The following CPLANE1 variants were observed in gnomAD, a reference collection of about 807,000 sequenced individuals.
The protein encoded by CPLANE1 is ciliogenesis and planar polarity effector 1.
A neutral mutation model predicts 362.5 loss-of-function variants in CPLANE1; 263 were observed. That is an observed-to-expected ratio of 0.73 (90% CI 0.66 to 0.80). The LOEUF is 0.80. CPLANE1 is among the 30% of genes least tolerant of loss of function. The pLI, the probability that CPLANE1 is intolerant of heterozygous loss-of-function variation, is 0.00. For synonymous variants in CPLANE1, 1,212 were observed against 1,302.6 expected (o/e 0.93, Z 1.50); for missense variants, 3,461 against 3,793.4 (o/e 0.91, Z 2.30).
intron 21 of CPLANE1, among the ~76,000 whole-genome samples, chr5:37,190,458 G>A (rs1286253493): frequency 6.6e-6 from 1 of 151,274 alleles, no homozygotes; most frequent in African/African-American, 2.4e-5. Context: ...CACACCTGTA[G>A]TCCCAGCTAC....
chr5:37,132,209 C>T (rs1175820053), intron 46 of CPLANE1, among the ~76,000 whole-genome samples: 1 of 151,734 alleles, frequency 6.6e-6, no homozygotes, highest in Non-Finnish European at 1.5e-5. Context: ...AATATTGTTA[C>T]CAGAAAATAA....
intron 38 of CPLANE1, 63 bp from the exon 39 acceptor site, chr5:37,158,408 A>T: frequency 3.3e-6 from 5 of 1,498,280 alleles, no homozygotes; most frequent in Non-Finnish European, 4.5e-6. Flanking sequence ...GCTCCAAATC[A>T]TCAGCTTTGT....
chr5:37,131,036 T>C (rs1167704103), intron 46 of CPLANE1, among the ~76,000 whole-genome samples: 1 of 152,212 alleles, frequency 6.6e-6, no homozygotes, highest in East Asian at 1.9e-4. Context: ...CAGAAATAGT[T>C]TCACGGCAGT....
chr5:37,087,719 G>A, the CPLANE1 span, among the ~76,000 whole-genome samples: 2 of 152,218 alleles, frequency 1.3e-5, no homozygotes, highest in Non-Finnish European at 2.9e-5. Context: ...GCCTCCAAAA[G>A]TGCTGGGATT....
intron 51 of CPLANE1, among the ~76,000 whole-genome samples, chr5:37,111,226 T>C (rs1468094530): frequency 1.3e-5 from 2 of 151,800 alleles, no homozygotes; most frequent in African/African-American, 4.8e-5. Flanking sequence ...GTTCACACCA[T>C]TCTCCTGCCT....
At chr5:37,098,924 A>C in the CPLANE1 span, among the ~76,000 whole-genome samples, 1 of 107,998 alleles carries the variant, frequency 9.3e-6, no homozygotes, top group Non-Finnish European at 1.8e-5. Context: ...TGCCTACATC[A>C]AAAAAAAAAA....
At chr5:37,195,299 C>T (rs550730195) in intron 21 of CPLANE1, among the ~76,000 whole-genome samples, 8 of 152,172 alleles carry the variant, frequency 5.3e-5, no homozygotes, top group Middle Eastern at 3.4e-3. Context: ...ACATAGACCA[C>T]GAATTAAGAA....
At chr5:37,195,547 TA>T (rs1787126281) in intron 21 of CPLANE1, among the ~76,000 whole-genome samples, 1 of 149,616 alleles carries the variant, frequency 6.7e-6, no homozygotes, top group Admixed American at 6.7e-5. Flanking sequence ...TGCAGTGAGT[TA>T]AGATCATGCC....
downstream of CPLANE1, among the ~76,000 whole-genome samples, chr5:37,102,718 TTGAG>T (rs1757353115): frequency 6.6e-6 from 1 of 152,188 alleles, no homozygotes; most frequent in Non-Finnish European, 1.5e-5. Flanking sequence ...TTGTGTGGTT[TTGAG>T]TGAGTTTCTT....
At chr5:37,162,033 A>G (rs1237725989) in intron 38 of CPLANE1, among the ~76,000 whole-genome samples, 1 of 152,204 alleles carries the variant, frequency 6.6e-6, no homozygotes, top group African/African-American at 2.4e-5. Flanking sequence ...GTCAGGAAAC[A>G]TTCCAAATAA....
chr5:37,175,545 C>T (rs781384448), intron 31 of CPLANE1, among the ~76,000 whole-genome samples: 5 of 152,140 alleles, frequency 3.3e-5, no homozygotes, highest in Non-Finnish European at 5.9e-5. Flanking sequence ...TTCAAAAGAA[C>T]CGGATGAGTC....
At position 37,169,032 on chromosome 5, in the gene CPLANE1, T is replaced by C; in HGVS notation, c.6992A>G (p.Asp2331Gly). ...TTCTGGTTTTATAAACACTGAAGAG[T>C]CCTGTTGAGGTGTCAAATTTTCTTG... ...VGQENLTPQQDSSVFIKPEKL... is the reference protein window; with the variant it reads ...VGQENLTPQQGSSVFIKPEKL... The change falls in exon 34 of 53, where the codon GAC becomes GGC. Residue 2331 changes from aspartate (D) to glycine (G), a missense_variant. Asp to Gly is a moderately conservative substitution (Grantham distance 94, BLOSUM62 -1). Around this residue, in one of 2 missense-constraint regions of CPLANE1, gnomAD observed 3,380 missense variants for 3,666.1 expected, o/e 0.92. Coordinates refer to ENST00000651892, the MANE Select transcript of CPLANE1 (RefSeq NM_001384732.1). 1 of 1,614,092 alleles carries C rather than the reference T, an allele frequency of 6.2e-7. No homozygotes were observed. The highest frequency in any genetic ancestry group is 8.5e-7 in the Non-Finnish European group (1 of 1,180,016).
At chr5:37,235,763 G>A (rs1043081601) in intron 8 of CPLANE1, among the ~76,000 whole-genome samples, 2 of 151,464 alleles carry the variant, frequency 1.3e-5, no homozygotes, top group African/African-American at 4.9e-5. Flanking sequence ...CTAGAGACAG[G>A]GTTTCACCAT....
At chr5:37,231,711 A>C (rs1406537984) in intron 8 of CPLANE1, among the ~76,000 whole-genome samples, 4 of 151,950 alleles carry the variant, frequency 2.6e-5, no homozygotes, top group Non-Finnish European at 4.4e-5. Flanking sequence ...TCAACAGCAG[A>C]CTCTCCCTCT....
At chr5:37,238,982 A>G in intron 7 of CPLANE1, 22 bp from the exon 8 acceptor site, 1 of 1,199,482 alleles carries the variant, frequency 8.3e-7, no homozygotes, top group South Asian at 1.6e-5. Flanking sequence ...AAAAAAGACA[A>G]GAAAACTATT....
chr5:37,120,264 G>A lies in CPLANE1; in HGVS notation c.9262C>T (p.His3088Tyr). 1 of 1,603,690 alleles carries A rather than the reference G, an allele frequency of 6.2e-7. No individual in the cohort carries two copies. The highest frequency in any genetic ancestry group is 2.2e-5 in the East Asian group (1 of 44,518). ...VKYMSKPSYI[H>Y]KRKSFGQPQG... ...GGTTGCCCAAAAGACTTCCTCTTAT[G>A]GATATAACTCGGTTTGGACATATAT... Residue 3088 changes from histidine (H) to tyrosine (Y), a missense_variant, in exon 50 of 53, where the codon CAT (histidine) becomes TAT (tyrosine). Around this residue, in one of 2 missense-constraint regions of CPLANE1, gnomAD observed 3,380 missense variants for 3,666.1 expected, o/e 0.92. Coordinates refer to ENST00000651892, the MANE Select transcript of CPLANE1 (RefSeq NM_001384732.1).
rs567503382 is a variant in CPLANE1, at chr5:37,128,141, T to A, written c.8793-2732A>T. Reference sequence around the variant, plus strand: ...TAAAAGATATTTTTATTACAAAAAATTTTTTTTGAGATTGGGTTATGAGAC... The same window carrying A: ...TAAAAGATATTTTTATTACAAAAAAATTTTTTTGAGATTGGGTTATGAGAC... On this transcript the variant is annotated intron_variant, in intron 46 of 52. Coordinates refer to ENST00000651892, the MANE Select transcript of CPLANE1 (RefSeq NM_001384732.1). Among the ~76,000 whole-genome samples, 361 of 152,248 alleles carry A rather than the reference T, an allele frequency of 2.4e-3. 2 individuals are homozygous for A. Among genetic ancestry groups the A allele is most frequent in the Middle Eastern group, 6.8e-3 (2 of 294 alleles).
In CPLANE1 at chr5:37,132,498, C is replaced by A. The variant is rs547797019; in HGVS notation, c.8792+6222G>T. ...TAGCTGGGACTACAGGCGCCCGCCA[C>A]CACGCCCGGCTAATTTTTTTGTATT... On this transcript the variant is annotated intron_variant, in intron 46 of 52. Coordinates refer to ENST00000651892, the MANE Select transcript of CPLANE1 (RefSeq NM_001384732.1). Among the ~76,000 whole-genome samples the A allele has an allele frequency of 6.6e-5, 10 of 152,156 alleles. No homozygotes were observed. The East Asian group carries it at 1.9e-3, about 29-fold the overall frequency.
the CPLANE1 span, among the ~76,000 whole-genome samples, chr5:37,087,914 T>C: frequency 5.3e-5 from 8 of 152,356 alleles, no homozygotes; most frequent in African/African-American, 1.4e-4. Flanking sequence ...CTTTGTAGCC[T>C]AGCCAATACC....
Sources: gnomAD v4.1 joint callset for allele counts (sites outside exome capture counted in the v4.1 genomes callset) on GRCh38, gnomAD v4.1.1 for gene constraint, gnomAD v4.1.1 regional missense constraint, MANE v1.5 for transcripts, NCBI Gene and HGNC (gene_info 2026-07-23, HGNC 2026-07-21) for gene names.